MRPL48: variants seen among roughly 807,000 people sequenced by gnomAD.
MRPL48 encodes the protein large ribosomal subunit protein mL48.
MRPL48 carries 16 observed loss-of-function variants against 32.9 expected under a neutral mutation model. The ratio of observed to expected loss-of-function variants is 0.49; its 90% CI spans 0.33 to 0.74. MRPL48 has a LOEUF of 0.74. Ranked by LOEUF, MRPL48 falls within the 30% of genes least tolerant of loss-of-function variation. The probability of loss-of-function intolerance (pLI) is 0.02; values close to 1 mark genes in which losing one functional copy is unlikely to be tolerated. For synonymous variants in MRPL48, 94 were observed against 89.2 expected (o/e 1.05, Z -0.31); for missense variants, 206 against 245.3 (o/e 0.84, Z 1.07).
chr11:73,795,343 G>A (rs1018605083), intron 1 of MRPL48, among the ~76,000 whole-genome samples: 3 of 150,232 alleles, frequency 2.0e-5, no homozygotes, highest in Admixed American at 6.6e-5. Context: ...GATTACAGGC[G>A]TGAGCCTGGA....
chr11:73,861,455 C>T (rs1208307134), intron 6 of MRPL48, among the ~76,000 whole-genome samples: 3 of 152,084 alleles, frequency 2.0e-5, no homozygotes, highest in Non-Finnish European at 2.9e-5. Context: ...CCGCAACCTT[C>T]GCCTCCTGTG....
intron 5 of MRPL48, among the ~76,000 whole-genome samples, chr11:73,849,287 C>T (rs1948348596): frequency 6.6e-6 from 1 of 151,976 alleles, no homozygotes; most frequent in Non-Finnish European, 1.5e-5. Flanking sequence ...CAGATGTTCC[C>T]CACCACACCC....
chr11:73,794,400 A>G (rs903139302), intron 1 of MRPL48, among the ~76,000 whole-genome samples: 2 of 151,168 alleles, frequency 1.3e-5, no homozygotes, highest in African/African-American at 4.9e-5. Flanking sequence ...TACTAAAAAT[A>G]CAAAATTAGC....
chr11:73,857,587 CTTTTTT>C (rs56265503), intron 5 of MRPL48, among the ~76,000 whole-genome samples: 15 of 88,656 alleles, frequency 1.7e-4, no homozygotes, highest in African/African-American at 7.4e-4. Context: ...GCCGCATAGA[CTTTTTT>C]TTTTTTTTTT....
chr11:73,794,236 T>TCTAAA (rs1947208034), intron 1 of MRPL48, among the ~76,000 whole-genome samples: 1 of 127,118 alleles, frequency 7.9e-6, no homozygotes, highest in African/African-American at 2.8e-5. Flanking sequence ...ATCTAAACTA[T>TCTAAA]CTGTCTCTGA....
chr11:73,823,179 T>C (rs1947813272), intron 3 of MRPL48: 1 of 245,252 alleles, frequency 4.1e-6, no homozygotes, highest in Admixed American at 4.4e-5. Context: ...TCCCCACTCC[T>C]CACATCTGTG....
chr11:73,841,168 A>C (rs1022301823), intron 4 of MRPL48, among the ~76,000 whole-genome samples: 2 of 152,212 alleles, frequency 1.3e-5, no homozygotes, highest in Admixed American at 1.3e-4. Context: ...ATGTAGAGCA[A>C]TTAGAACTCT....
At chr11:73,801,026 G>A (rs1207758628) in intron 1 of MRPL48, among the ~76,000 whole-genome samples, 1 of 151,860 alleles carries the variant, frequency 6.6e-6, no homozygotes, top group Non-Finnish European at 1.5e-5. Context: ...GGTCAGGCTG[G>A]TCTCAAACTC....
chr11:73,849,555 A>G (rs1374838709), intron 5 of MRPL48, among the ~76,000 whole-genome samples: 1 of 152,140 alleles, frequency 6.6e-6, no homozygotes, highest in African/African-American at 2.4e-5. Context: ...TGTATTTGAG[A>G]TTCATCTATG....
intron 5 of MRPL48, among the ~76,000 whole-genome samples, chr11:73,855,731 C>A (rs1446490451): frequency 6.6e-6 from 1 of 152,196 alleles, no homozygotes; most frequent in Non-Finnish European, 1.5e-5. Flanking sequence ...CGTGATCCAC[C>A]TGCCTCGGCC....
At chr11:73,847,496 A>G (rs1453635433) in intron 5 of MRPL48, among the ~76,000 whole-genome samples, 1 of 151,392 alleles carries the variant, frequency 6.6e-6, no homozygotes. Context: ...GCTGGAGTGC[A>G]GTGGCACAAT....
At chr11:73,825,188 A>G (rs748420048) in intron 3 of MRPL48, among the ~76,000 whole-genome samples, 1 of 150,796 alleles carries the variant, frequency 6.6e-6, no homozygotes, top group Non-Finnish European at 1.5e-5. Context: ...TTATATACTA[A>G]GTTTATTAAT....
rs747653568 is a variant in MRPL48 at position 73,787,958 on chromosome 11, C to T, written c.-14C>T. On this transcript the variant is annotated 5_prime_UTR_variant, in exon 1 of 8. Transcript: ENST00000310614. ...CTTCGGTTTGCACAGCTAGAGGCCGCGCAGCAGCAAAGGATGAGCGGAACC... is the reference window on the plus strand; with the variant it reads ...CTTCGGTTTGCACAGCTAGAGGCCGTGCAGCAGCAAAGGATGAGCGGAACC... The T allele has an allele frequency of 6.2e-7, 1 of 1,612,400 alleles. No individual in the cohort carries two copies. The highest frequency in any genetic ancestry group is 8.5e-7 in the Non-Finnish European group (1 of 1,179,242).
At chr11:73,788,029 T>TGGCGGACGGTGCAGAGAGGGGAGAA in intron 1 of MRPL48, 37 bp downstream of exon 1, 1 of 1,464,808 alleles carries the variant, frequency 6.8e-7, no homozygotes, top group South Asian at 1.3e-5. Context: ...CGCGGGGAGA[T>TGGCGGACGGTGCAGAGAGGGGAGAA]GGCGGACGGT....
intron 5 of MRPL48, among the ~76,000 whole-genome samples, chr11:73,846,950 G>T (rs919945834): frequency 6.6e-6 from 1 of 150,750 alleles, no homozygotes; most frequent in Non-Finnish European, 1.5e-5. Context: ...TCACTTTGTT[G>T]CCCAGGCTTC....
chr11:73,853,205 ATAATT>A (rs1948430544), intron 5 of MRPL48, among the ~76,000 whole-genome samples: 1 of 152,236 alleles, frequency 6.6e-6, no homozygotes, highest in Non-Finnish European at 1.5e-5. Context: ...ACTATAGTTG[ATAATT>A]TAATTGTACA....
intron 1 of MRPL48, among the ~76,000 whole-genome samples, chr11:73,800,809 TC>T (rs142584153): frequency 6.8e-6 from 1 of 148,062 alleles, no homozygotes; most frequent in African/African-American, 2.5e-5. Flanking sequence ...TTTTTCTTTT[TC>T]TTTTTTTTTT....
intron 4 of MRPL48, among the ~76,000 whole-genome samples, chr11:73,837,981 A>G (rs993389499): frequency 1.3e-5 from 2 of 152,088 alleles, no homozygotes; most frequent in Non-Finnish European, 2.9e-5. Context: ...CCTCCTGAGT[A>G]TCTGGGACTA....
intron 4 of MRPL48, among the ~76,000 whole-genome samples, chr11:73,831,116 A>T (rs1947985572): frequency 6.6e-6 from 1 of 152,116 alleles, no homozygotes; most frequent in Non-Finnish European, 1.5e-5. Context: ...CTGGGATTAT[A>T]GACATGAGCC....
Sources: gnomAD v4.1 joint callset for allele counts (sites outside exome capture counted in the v4.1 genomes callset) on GRCh38, gnomAD v4.1.1 for gene constraint, MANE v1.5 for transcripts, NCBI Gene and HGNC (gene_info 2026-07-23, HGNC 2026-07-21) for gene names.